Variants in ATXN1 observed in about 807,000 individuals in gnomAD.
The protein encoded by ATXN1 is ataxin 1.
Under a neutral mutation model 56.4 loss-of-function variants are expected in ATXN1, and 8 were observed. That is an observed-to-expected ratio of 0.14 (90% CI 0.08 to 0.26). ATXN1 has a LOEUF of 0.26. Ranked by LOEUF, ATXN1 falls within the 10% of genes least tolerant of loss-of-function variation. The pLI is 1.00. For missense variants in ATXN1, 987 were observed against 1,106.5 expected, an observed-to-expected ratio of 0.89 and a Z score of 1.53; for synonymous variants, 514 against 494.6, an observed-to-expected ratio of 1.04 and a Z score of -0.52.
intron 6 of ATXN1, among the ~76,000 whole-genome samples, chr6:16,347,121 C>A (rs1169956991): frequency 6.6e-6 from 1 of 152,246 alleles, no homozygotes; most frequent in Non-Finnish European, 1.5e-5. Flanking sequence ...GAACCTCCCC[C>A]TGCCCCTCCG....
At chr6:16,462,694 G>T (rs1760023589) in intron 6 of ATXN1, among the ~76,000 whole-genome samples, 1 of 152,096 alleles carries the variant, frequency 6.6e-6, no homozygotes, top group Non-Finnish European at 1.5e-5. Flanking sequence ...CTGTAACCGT[G>T]AATACCATCT....
intron 3 of ATXN1, among the ~76,000 whole-genome samples, chr6:16,621,539 T>C (rs916053358): frequency 2.6e-5 from 4 of 152,058 alleles, no homozygotes; most frequent in African/African-American, 9.7e-5. Flanking sequence ...CTGGCCAACA[T>C]GGAGAATGCC....
chr6:16,675,250 T>C lies in ATXN1; in HGVS notation c.-614-17349A>G, dbSNP rs550114088. 3.3e-5 allele frequency among the ~76,000 whole-genome samples: 5 copies of C among 152,294 alleles called. 1 individual carries two copies. The highest frequency in any genetic ancestry group is 1.2e-4 in the African/African-American group (5 of 41,562). ...CCACTTTATTTCAACGTTTGGAGAT[T>C]AACCCGCAATCAAATACTGCCGTAT... On this transcript the variant is annotated intron_variant, in intron 2 of 7. Transcript: ENST00000436367.
At chr6:16,707,632 T>C (rs1194207942) in intron 2 of ATXN1, among the ~76,000 whole-genome samples, 1 of 152,170 alleles carries the variant, frequency 6.6e-6, no homozygotes, top group African/African-American at 2.4e-5. Flanking sequence ...CTGAGAGTTA[T>C]TTTCCATGTG....
At position 16,596,559 on chromosome 6, in the gene ATXN1, C is replaced by T. The variant is rs115800675; in HGVS notation, c.-488-10652G>A. Among the ~76,000 whole-genome samples, 33 of 152,328 alleles carry T rather than the reference C, an allele frequency of 2.2e-4. No individual in the cohort carries two copies. The East Asian group carries it at 3.7e-3, about 17-fold the overall frequency. On this transcript the variant is annotated intron_variant, in intron 3 of 7. Transcript: ENST00000436367. ...AAAATGACTTTGGATTCCTATGTCA[C>T]GTTAAAAGTGTGTTGGGCATTTTAT...
chr6:16,602,597 G>A (rs188793591), intron 3 of ATXN1, among the ~76,000 whole-genome samples: 1 of 152,054 alleles, frequency 6.6e-6, no homozygotes, highest in Non-Finnish European at 1.5e-5. Flanking sequence ...GACTACAGGC[G>A]CAGGCCACCA....
chr6:16,620,262 AACAC>A (rs60586256), intron 3 of ATXN1, among the ~76,000 whole-genome samples: 11,349 of 137,352 alleles, frequency 0.083, 716 homozygotes, highest in African/African-American at 0.19. Flanking sequence ...CTGTCTCTCA[AACAC>A]ACACACACAC....
At chr6:16,447,734 G>A (rs553870362) in intron 6 of ATXN1, among the ~76,000 whole-genome samples, 14 of 152,292 alleles carry the variant, frequency 9.2e-5, no homozygotes, top group Non-Finnish European at 2.9e-5. Context: ...TTACTAAAAT[G>A]CTAGTTACAC....
At chr6:16,369,034 T>G (rs571953507) in intron 6 of ATXN1, among the ~76,000 whole-genome samples, 2 of 152,354 alleles carry the variant, frequency 1.3e-5, no homozygotes, top group East Asian at 3.9e-4. Flanking sequence ...CAAAACTCAC[T>G]TATTAAATTC....
At chr6:16,691,156 C>T (rs1451873585) in intron 2 of ATXN1, among the ~76,000 whole-genome samples, 3 of 152,196 alleles carry the variant, frequency 2.0e-5, no homozygotes, top group Admixed American at 1.3e-4. Context: ...TTGTAAGTGT[C>T]GCAGAAATAT....
At chr6:16,350,498 T>C (rs754830909) in intron 6 of ATXN1, among the ~76,000 whole-genome samples, 1 of 152,252 alleles carries the variant, frequency 6.6e-6, no homozygotes, top group Non-Finnish European at 1.5e-5. Context: ...GGCCAGAGCC[T>C]GATATTTGAT....
chr6:16,725,935 T>A (rs1759839128), intron 2 of ATXN1, among the ~76,000 whole-genome samples: 1 of 152,238 alleles, frequency 6.6e-6, no homozygotes, highest in South Asian at 2.1e-4. Flanking sequence ...TAAAGGCAGC[T>A]GATATTTCTC....
At chr6:16,542,555 A>G (rs1328025299) in intron 4 of ATXN1, among the ~76,000 whole-genome samples, 1 of 152,176 alleles carries the variant, frequency 6.6e-6, no homozygotes, top group African/African-American at 2.4e-5. Context: ...CTAGAGGGAA[A>G]GTATGTAGCT....
At chr6:16,524,479 G>A (rs572985246) in intron 4 of ATXN1, among the ~76,000 whole-genome samples, 91 of 152,274 alleles carry the variant, frequency 6.0e-4, no homozygotes, top group Non-Finnish European at 1.2e-3. Context: ...TTGAGACCAC[G>A]AAAACTGATT....
chr6:16,319,337 C>T, intron 7 of ATXN1, among the ~76,000 whole-genome samples: 1 of 152,086 alleles, frequency 6.6e-6, no homozygotes, highest in African/African-American at 2.4e-5. Flanking sequence ...TGAGAGACGC[C>T]AATGTGAAAA....
At chr6:16,503,936 C>T (rs895525064) in intron 5 of ATXN1, among the ~76,000 whole-genome samples, 1 of 152,150 alleles carries the variant, frequency 6.6e-6, no homozygotes, top group Non-Finnish European at 1.5e-5. Context: ...CATCCACCCC[C>T]CAAACTCTTC....
intron 2 of ATXN1, chr6:16,749,848 A>G (rs1470081448): frequency 2.0e-5 from 3 of 152,284 alleles, no homozygotes; most frequent in Admixed American, 2.0e-4. Flanking sequence ...GGACTCCTCC[A>G]AATTTATCTT....
chr6:16,588,934 C>A (rs1762675357), intron 3 of ATXN1, among the ~76,000 whole-genome samples: 1 of 152,122 alleles, frequency 6.6e-6, no homozygotes, highest in South Asian at 2.1e-4. Context: ...GGGTAACATG[C>A]AAGGCTCCTT....
chr6:16,652,459 T>A (rs781567063), intron 3 of ATXN1, among the ~76,000 whole-genome samples: 8 of 152,148 alleles, frequency 5.3e-5, no homozygotes, highest in Non-Finnish European at 8.8e-5. Flanking sequence ...CCATGGATGG[T>A]TACTTGCAAG....
Sources: allele counts gnomAD v4.1 joint callset (sites outside exome capture counted in the v4.1 genomes callset), GRCh38; gene constraint gnomAD v4.1.1; transcripts MANE v1.5; gene names NCBI Gene and HGNC (gene_info 2026-07-23, HGNC 2026-07-21).